The following CSMD1 variants were observed in gnomAD, a reference collection of about 807,000 sequenced individuals.
CSMD1 encodes the protein CUB and Sushi multiple domains 1.
A neutral mutation model predicts 417.5 loss-of-function variants in CSMD1; 213 were observed. The observed-to-expected ratio is 0.51, with a 90% CI of 0.46 to 0.57. The LOEUF is 0.57. Ranked by LOEUF, CSMD1 falls within the 20% of genes least tolerant of loss-of-function variation. CSMD1 has a pLI of 0.00. For missense variants in CSMD1, 6,923 were observed against 4,529.7 expected, an observed-to-expected ratio of 1.53 and a Z score of -15.17; for synonymous variants, 2,862 against 1,736.8, an observed-to-expected ratio of 1.65 and a Z score of -16.11.
At position 4,832,092 on chromosome 8, in the gene CSMD1, C is replaced by T. The variant is rs942986262; in HGVS notation, c.85+162240G>A. On this transcript the variant is annotated intron_variant, in intron 1 of 69. Coordinates refer to ENST00000635120, the MANE Select transcript of CSMD1 (RefSeq NM_033225.6). ...CAAAGCTTCTATCTACCCTTCTCTTCGGGAACCTTTTGTGTACTGTTCACT... is the reference window on the plus strand; with the variant it reads ...CAAAGCTTCTATCTACCCTTCTCTTTGGGAACCTTTTGTGTACTGTTCACT... 3.3e-5 allele frequency among the ~76,000 whole-genome samples: 5 copies of T among 152,316 alleles called. No individual in the cohort carries two copies. In the South Asian group the frequency reaches 8.3e-4, roughly 25 times the overall value.
intron 3 of CSMD1, among the ~76,000 whole-genome samples, chr8:4,155,436 C>T (rs1405339487): frequency 6.6e-6 from 1 of 152,142 alleles, no homozygotes; most frequent in East Asian, 1.9e-4. Context: ...TTGGCAGGAA[C>T]CTTGTTTGGG....
At chr8:4,762,072 G>T (rs185220323) in intron 1 of CSMD1, among the ~76,000 whole-genome samples, 6 of 152,148 alleles carry the variant, frequency 3.9e-5, no homozygotes, top group South Asian at 2.1e-4. Flanking sequence ...CTCAAATGAT[G>T]TAAGTATAGT....
intron 5 of CSMD1, among the ~76,000 whole-genome samples, chr8:3,837,741 C>T (rs1023127448): frequency 6.6e-6 from 1 of 152,070 alleles, no homozygotes; most frequent in African/African-American, 2.4e-5. Context: ...TTAAAATCCT[C>T]CTGGCTCCTC....
intron 1 of CSMD1, among the ~76,000 whole-genome samples, chr8:4,897,974 A>G (rs1437402349): frequency 1.3e-5 from 2 of 152,150 alleles, no homozygotes; most frequent in East Asian, 3.9e-4. Flanking sequence ...GTTTTAAATT[A>G]TCCCGGGCTA....
chr8:4,197,226 G>C (rs889104588), intron 3 of CSMD1, among the ~76,000 whole-genome samples: 6 of 152,140 alleles, frequency 3.9e-5, no homozygotes, highest in Admixed American at 6.6e-5. Flanking sequence ...TGAATTCTGA[G>C]TTATTCACAG....
chr8:4,722,384 A>G (rs1351107), intron 1 of CSMD1, among the ~76,000 whole-genome samples: 45,686 of 152,054 alleles, frequency 0.3, 8,351 homozygotes, highest in African/African-American at 0.52. Context: ...AAATATGGCT[A>G]CTTCTCCCAA....
At chr8:4,986,545 T>G (rs569855510) in intron 1 of CSMD1, among the ~76,000 whole-genome samples, 1 of 152,298 alleles carries the variant, frequency 6.6e-6, no homozygotes, top group African/African-American at 2.4e-5. Flanking sequence ...AATCTAACAT[T>G]TAGCCCTTTC....
intron 26 of CSMD1, among the ~76,000 whole-genome samples, chr8:3,257,408 T>G (rs905254184): frequency 6.6e-6 from 1 of 152,250 alleles, no homozygotes; most frequent in African/African-American, 2.4e-5. Flanking sequence ...TAGGATCTCT[T>G]TCCTTGTGGA....
At chr8:3,802,319 TA>T (rs768929393) in intron 5 of CSMD1, among the ~76,000 whole-genome samples, 17 of 152,330 alleles carry the variant, frequency 1.1e-4, no homozygotes, top group South Asian at 6.2e-4. Context: ...CCATTTATTA[TA>T]GTAATTCCTA....
intron 3 of CSMD1, among the ~76,000 whole-genome samples, chr8:4,114,474 T>C (rs766563979): frequency 2.6e-5 from 4 of 152,330 alleles, no homozygotes; most frequent in Non-Finnish European, 5.9e-5. Flanking sequence ...AAGAGATTAA[T>C]GTTGTCTTCA....
intron 5 of CSMD1, among the ~76,000 whole-genome samples, chr8:3,796,005 T>G (rs1423361123): frequency 1.6e-5 from 1 of 61,856 alleles, no homozygotes. Context: ...ATCTATCATG[T>G]ATATAGATAT....
chr8:3,127,892 GAGGAATGA>G (rs1817590408), intron 41 of CSMD1: 1 of 117,626 alleles, frequency 8.5e-6, no homozygotes, highest in Admixed American at 8.2e-5. Flanking sequence ...GGGAGGGAGG[GAGGAATGA>G]AGGAAGGAAG....
In CSMD1 at chr8:3,181,207, T is replaced by C; in HGVS notation, c.5628A>G (p.Thr1876=). The change falls in exon 37 of 70, where the codon ACA becomes ACG. Residue 1876 remains threonine, a synonymous_variant. Transcript: ENST00000635120. ...AAGTACTGTTCAGCAGTGCCGGTAC[T>C]GTGGTGCCTGTAAGAAACAATGCAG... ...APRLGSFSGT[T]VPALLNSTSN... is the part of the protein sequence containing the mutation. 4 of 1,611,180 alleles carry C rather than the reference T, an allele frequency of 2.5e-6. No homozygotes were observed. The highest frequency in any genetic ancestry group is 3.4e-6 in the Non-Finnish European group (4 of 1,177,534).
chr8:3,037,418 C>G (rs901486783), intron 50 of CSMD1, among the ~76,000 whole-genome samples: 1 of 151,826 alleles, frequency 6.6e-6, no homozygotes, highest in Non-Finnish European at 1.5e-5. Flanking sequence ...CCGTGTTAGC[C>G]AGGGTGGTCT....
chr8:3,225,612 A>G (rs1798456139), intron 27 of CSMD1, among the ~76,000 whole-genome samples: 1 of 152,208 alleles, frequency 6.6e-6, no homozygotes, highest in Non-Finnish European at 1.5e-5. Context: ...TGACAGATTC[A>G]GGGCACTGGC....
chr8:3,390,839 G>A (rs1214626854), intron 17 of CSMD1, among the ~76,000 whole-genome samples: 2 of 152,056 alleles, frequency 1.3e-5, no homozygotes, highest in Non-Finnish European at 2.9e-5. Context: ...AGGAAGGAAT[G>A]AACATTTCCT....
intron 6 of CSMD1, among the ~76,000 whole-genome samples, chr8:3,724,111 C>G (rs1335143701): frequency 3.9e-5 from 2 of 51,704 alleles, no homozygotes; most frequent in African/African-American, 7.0e-5. Flanking sequence ...AATACGAAAG[C>G]AGATATGAGA....
intron 68 of CSMD1, among the ~76,000 whole-genome samples, chr8:2,944,201 G>A (rs560371630): frequency 6.6e-5 from 10 of 152,324 alleles, no homozygotes; most frequent in African/African-American, 2.2e-4. Flanking sequence ...TTATGGACGT[G>A]CAGCGAGTGA....
intron 10 of CSMD1, among the ~76,000 whole-genome samples, chr8:3,513,971 A>G (rs1797183928): frequency 6.6e-6 from 1 of 152,222 alleles, no homozygotes; most frequent in Non-Finnish European, 1.5e-5. Context: ...AAGAAAACAG[A>G]GAAGGTAGCA....
Sources: gnomAD v4.1 joint callset for allele counts (sites outside exome capture counted in the v4.1 genomes callset) on GRCh38, gnomAD v4.1.1 for gene constraint, MANE v1.5 for transcripts, NCBI Gene and HGNC (gene_info 2026-07-23, HGNC 2026-07-21) for gene names.